The following EMC3 variants were observed in gnomAD, a reference collection of about 807,000 sequenced individuals.
EMC3 encodes the protein ER membrane protein complex subunit 3.
In EMC3, 13 loss-of-function variants were observed where a neutral mutation model predicts 36.6. The observed-to-expected ratio is 0.35, with a 90% CI of 0.23 to 0.56. The LOEUF (loss-of-function observed/expected upper bound fraction) is 0.56. EMC3 is among the 20% of genes least tolerant of loss of function. The pLI is 0.84. For missense variants in EMC3, 220 were observed against 324.5 expected, an observed-to-expected ratio of 0.68 and a Z score of 2.47; for synonymous variants, 120 against 111.9, an observed-to-expected ratio of 1.07 and a Z score of -0.46.
At chr3:9,968,402 C>A (rs920698827) in intron 7 of EMC3, among the ~76,000 whole-genome samples, 2 of 152,218 alleles carry the variant, frequency 1.3e-5, no homozygotes, top group Admixed American at 1.3e-4. Context: ...GATCTACATA[C>A]AACACCATGC....
upstream of EMC3, chr3:9,987,855 C>A: frequency 1.4e-6 from 1 of 702,590 alleles, no homozygotes; most frequent in South Asian, 1.4e-5. Flanking sequence ...TGGACTGTAC[C>A]TACCCACTAT....
chr3:9,987,927 A>G, upstream of EMC3: 1 of 1,031,752 alleles, frequency 9.7e-7, no homozygotes, highest in Non-Finnish European at 1.5e-6. Flanking sequence ...GCTTCGGGAG[A>G]AGTTGGATCC....
At chr3:9,977,854 G>GAGAAATGA (rs2085865924) in intron 1 of EMC3, among the ~76,000 whole-genome samples, 1 of 152,066 alleles carries the variant, frequency 6.6e-6, no homozygotes, top group Non-Finnish European at 1.5e-5. Context: ...ATTACCTACA[G>GAGAAATGA]AGAAATGAGA....
intron 5 of EMC3, among the ~76,000 whole-genome samples, chr3:9,972,898 A>G (rs1206988829): frequency 6.8e-6 from 1 of 147,660 alleles, no homozygotes; most frequent in Non-Finnish European, 1.5e-5. Flanking sequence ...GCGCCATCTC[A>G]GCTCACTGCA....
At chr3:9,992,165 G>GT (rs1311918325) in intron 1 of EMC3, among the ~76,000 whole-genome samples, 9 of 152,146 alleles carry the variant, frequency 5.9e-5, no homozygotes, top group African/African-American at 2.2e-4. Flanking sequence ...GTGTCACCCA[G>GT]GCTGGAGTGC....
chr3:10,008,666 G>A (rs2086290441), intron 1 of EMC3: 1 of 359,716 alleles, frequency 2.8e-6, no homozygotes, highest in African/African-American at 2.1e-5. Flanking sequence ...GCCAGGAACA[G>A]ATGGCAAAGA....
At chr3:9,985,990 C>T (rs1323194666) in intron 1 of EMC3, among the ~76,000 whole-genome samples, 1 of 152,132 alleles carries the variant, frequency 6.6e-6, no homozygotes, top group East Asian at 1.9e-4. Context: ...ATTACAATTC[C>T]TTACATCTCT....
chr3:10,000,878 C>T (rs997380979), intron 1 of EMC3: 3 of 477,134 alleles, frequency 6.3e-6, no homozygotes, highest in African/African-American at 2.0e-5. Context: ...TTGTGCTTGC[C>T]TCCCTTTTCC....
intron 1 of EMC3, among the ~76,000 whole-genome samples, chr3:9,998,644 G>A (rs957806268): frequency 6.6e-6 from 1 of 151,864 alleles, no homozygotes; most frequent in African/African-American, 2.4e-5. Flanking sequence ...ATACCTCATT[G>A]TGGTTTGATT....
chr3:9,987,773 A>G (rs773628227), upstream of EMC3: 28 of 477,908 alleles, frequency 5.9e-5, no homozygotes, highest in East Asian at 1.3e-4. Context: ...TCACAACTCT[A>G]TTTTTCAAAA....
chr3:9,969,409 G>C, intron 7 of EMC3: 1 of 1,246,086 alleles, frequency 8.0e-7, no homozygotes, highest in Non-Finnish European at 1.0e-6. Context: ...GATGTCTATG[G>C]GGTTCAAAAA....
chr3:9,987,771 C>G, upstream of EMC3: 1 of 477,980 alleles, frequency 2.1e-6, no homozygotes, highest in Non-Finnish European at 3.8e-6. Context: ...TCTCACAACT[C>G]TATTTTTCAA....
rs184876009 is a variant in EMC3 at position 9,999,099 on chromosome 3, A to G, written c.-242+11924T>C. On this transcript the variant is annotated intron_variant, in intron 1 of 8. Coordinates refer to the EMC3 transcript ENST00000470827. ...ATTGGGTTTTTGTCATTGTTGAGGT[A>G]TAGGAGTTATTTATATATTCTGGAT... is the stretch of plus-strand genomic sequence containing the variant. Among the ~76,000 whole-genome samples, 2 of 152,264 alleles carry G rather than the reference A, an allele frequency of 1.3e-5. 1 individual carries two copies. The highest frequency in any genetic ancestry group is 3.9e-4 in the East Asian group (2 of 5,176).
At chr3:10,007,010 T>C in intron 1 of EMC3, 1 of 283,148 alleles carries the variant, frequency 3.5e-6, no homozygotes, top group Non-Finnish European at 7.0e-6. Context: ...GCAAATCTTG[T>C]AGTAACATTA....
intron 1 of EMC3, among the ~76,000 whole-genome samples, chr3:9,982,664 G>A (rs2085923891): frequency 6.6e-6 from 1 of 152,058 alleles, no homozygotes; most frequent in Non-Finnish European, 1.5e-5. Flanking sequence ...GAGATGGAAG[G>A]ATCACTTGAG....
chr3:9,999,114 A>G (rs571469320), intron 1 of EMC3, among the ~76,000 whole-genome samples: 157 of 152,246 alleles, frequency 1.0e-3, no homozygotes, highest in African/African-American at 3.6e-3. Context: ...AGTTATTTAT[A>G]TATTCTGGAT....
chr3:9,993,911 C>T (rs1200414060), intron 1 of EMC3, among the ~76,000 whole-genome samples: 1 of 152,234 alleles, frequency 6.6e-6, no homozygotes, highest in Non-Finnish European at 1.5e-5. Flanking sequence ...GCCTCCAATC[C>T]CAAATCGAGC....
At chr3:9,988,023 A>G (rs113494230), upstream of EMC3, 3 of 787,054 alleles carry the variant, frequency 3.8e-6, no homozygotes, top group African/African-American at 5.1e-5. Context: ...GAGCTCATGG[A>G]TAATTGCCAC....
intron 1 of EMC3, among the ~76,000 whole-genome samples, chr3:9,981,990 AC>A (rs1479811900): frequency 6.6e-6 from 1 of 151,616 alleles, no homozygotes; most frequent in Non-Finnish European, 1.5e-5. Context: ...TTGCTCTGTC[AC>A]CCAGGCTGGA....
Sources: gnomAD v4.1 joint callset for allele counts (sites outside exome capture counted in the v4.1 genomes callset) on GRCh38, gnomAD v4.1.1 for gene constraint, MANE v1.5 for transcripts, NCBI Gene and HGNC (gene_info 2026-07-23, HGNC 2026-07-21) for gene names.